The following ROR1 variants were observed in gnomAD, a reference collection of about 807,000 sequenced individuals.
ROR1 encodes inactive tyrosine-protein kinase transmembrane receptor ROR1.
A neutral mutation model predicts 78.8 loss-of-function variants in ROR1; 19 were observed. The observed-to-expected ratio is 0.24, with a 90% CI of 0.17 to 0.35. The LOEUF (loss-of-function observed/expected upper bound fraction) is 0.35. Ranked by LOEUF, ROR1 falls within the 10% of genes least tolerant of loss-of-function variation. The probability of loss-of-function intolerance (pLI) is 1.00; values close to 1 mark genes in which losing one functional copy is unlikely to be tolerated. For synonymous variants in ROR1, 386 were observed against 433.6 expected (o/e 0.89, Z 1.36); for missense variants, 917 against 1,177.8 (o/e 0.78, Z 3.24).
At chr1:63,983,239 A>G (rs1272133869) in intron 1 of ROR1, among the ~76,000 whole-genome samples, 1 of 152,048 alleles carries the variant, frequency 6.6e-6, no homozygotes, top group Non-Finnish European at 1.5e-5. Flanking sequence ...TGGAAACGGA[A>G]GTCCGGAAGA....
At chr1:64,077,895 G>T (rs61765387) in intron 4 of ROR1, among the ~76,000 whole-genome samples, 22,290 of 152,248 alleles carry the variant, frequency 0.15, 1,733 homozygotes, top group Middle Eastern at 0.2. Flanking sequence ...TCATTCATCA[G>T]CTATTAATTG....
rs2100746785 is a variant in ROR1 at position 64,178,104 on chromosome 1, T to C, written c.2063T>C (p.Phe688Ser). The C allele has an allele frequency of 2.5e-6, 4 of 1,614,148 alleles. No homozygotes were observed. The highest frequency in any genetic ancestry group is 3.4e-6 in the Non-Finnish European group (4 of 1,180,030). Residue 688 changes from phenylalanine to serine, a missense_variant, in exon 9 of 9, where the codon TTT (phenylalanine) becomes TCT (serine). Around this residue, in one of 3 missense-constraint regions of ROR1, gnomAD observed 835 missense variants for 1,069.8 expected, o/e 0.78. Coordinates refer to ENST00000371079, the MANE Select transcript of ROR1 (RefSeq NM_005012.4). The surrounding 1 kb of genome is among the most constrained non-coding windows in gnomAD (Gnocchi z 4.3). Reference protein sequence around the residue: ...FGVVLWEIFSFGLQPYYGFSN... With the variant: ...FGVVLWEIFSSGLQPYYGFSN... Reference sequence around the variant, plus strand: ...GTTGTCTTGTGGGAGATTTTCAGTTTTGGACTCCAGCCATATTATGGATTC... The same window carrying C: ...GTTGTCTTGTGGGAGATTTTCAGTTCTGGACTCCAGCCATATTATGGATTC...
chr1:64,137,488 A>G lies in ROR1; in HGVS notation c.602A>G (p.Gln201Arg), dbSNP rs1344412113. 4 of 1,612,840 alleles carry G rather than the reference A, an allele frequency of 2.5e-6. No homozygotes were observed. Among genetic ancestry groups the G allele is most frequent in the African/African-American group, 2.7e-5 (2 of 74,900 alleles). The change falls in exon 5 of 9, where the codon CAG becomes CGG. Residue 201 changes from glutamine (Q) to arginine (R), a missense_variant. Around this residue, in one of 3 missense-constraint regions of ROR1, gnomAD observed 835 missense variants for 1,069.8 expected, o/e 0.78. Transcript: ENST00000371079. ...SLHMQGEIEN[Q>R]ITAAFTMIGT... is the part of the protein sequence containing the mutation. ...CACATGCAAGGGGAAATAGAAAATC[A>G]GATCACAGGTAGGTAGCACCAATGA...
intron 7 of ROR1, among the ~76,000 whole-genome samples, chr1:64,153,536 A>G (rs1459249366): frequency 3.3e-5 from 5 of 152,236 alleles, no homozygotes; most frequent in Non-Finnish European, 5.9e-5. Flanking sequence ...GATAAAGAAA[A>G]CATGGTATAT....
At chr1:64,029,449 T>A (rs1277652159) in intron 2 of ROR1, among the ~76,000 whole-genome samples, 1 of 152,210 alleles carries the variant, frequency 6.6e-6, no homozygotes, top group Non-Finnish European at 1.5e-5. Context: ...TAATTGCCCT[T>A]CGTATTAGTC....
intron 1 of ROR1, among the ~76,000 whole-genome samples, chr1:63,916,924 G>A (rs1315163520): frequency 2.0e-5 from 3 of 152,194 alleles, no homozygotes; most frequent in East Asian, 1.9e-4. Context: ...CAGTTGCTCA[G>A]GCCTACTTTC....
chr1:64,066,703 GATCA>G (rs1646959081), intron 4 of ROR1: 1 of 152,636 alleles, frequency 6.6e-6, no homozygotes, highest in Non-Finnish European at 1.5e-5. Flanking sequence ...AATTGCTTGT[GATCA>G]ATCAGTTGTA....
intron 1 of ROR1, among the ~76,000 whole-genome samples, chr1:63,967,028 C>T (rs1450601086): frequency 6.6e-6 from 1 of 152,096 alleles, no homozygotes; most frequent in African/African-American, 2.4e-5. Context: ...TATTTGAGCC[C>T]ACCAGGTTTG....
At position 64,177,904 on chromosome 1, in the gene ROR1, T is replaced by A; in HGVS notation, c.1863T>A (p.Ile621=). The change falls in exon 9 of 9, where the codon ATT becomes ATA. Residue 621 remains isoleucine (I), a synonymous_variant. Coordinates refer to ENST00000371079, the MANE Select transcript of ROR1 (RefSeq NM_005012.4). ...FVHKDLAARN[I]LIGEQLHVKI... ...ACAAGGACCTTGCAGCTCGCAATAT[T>A]TTAATCGGAGAGCAACTTCATGTAA... The A allele has an allele frequency of 6.2e-7, 1 of 1,614,192 alleles. No individual in the cohort carries two copies. The highest frequency in any genetic ancestry group is 8.5e-7 in the Non-Finnish European group (1 of 1,180,034).
chr1:63,919,892 A>G (rs769772634), intron 1 of ROR1, among the ~76,000 whole-genome samples: 2 of 152,208 alleles, frequency 1.3e-5, no homozygotes, highest in African/African-American at 4.8e-5. Flanking sequence ...GAATCAGCAG[A>G]AAATAAGGTG....
rs1054242408 is a variant in ROR1 at position 63,834,331 on chromosome 1, A to G, written c.91+59823A>G. Among the ~76,000 whole-genome samples, 6 of 152,138 alleles carry G rather than the reference A, an allele frequency of 3.9e-5. No individual in the cohort carries two copies. The South Asian group carries it at 1.2e-3, about 32-fold the overall frequency. ...GTACCCTTAGATGAATTAAAAAGTA[A>G]TTATACTGAGTGTTTTATCTTGCCT... On this transcript the variant is annotated intron_variant, in intron 1 of 8. Coordinates refer to ENST00000371079, the MANE Select transcript of ROR1 (RefSeq NM_005012.4).
At position 63,780,170 on chromosome 1, in the gene ROR1, A is replaced by ATT. The variant is rs533212530; in HGVS notation, c.91+5674_91+5675dup. On this transcript the variant is annotated intron_variant, in intron 1 of 8. Coordinates refer to ENST00000371079, the MANE Select transcript of ROR1 (RefSeq NM_005012.4). Reference sequence around the variant, plus strand: ...CCTGCTTCTCTCCATAGAACCATAGATTTTTTTTTTTTTAAGAGAGAGAGG... The same window carrying ATT: ...CCTGCTTCTCTCCATAGAACCATAGATTTTTTTTTTTTTTTAAGAGAGAGAGG... Among the ~76,000 whole-genome samples, 165 of 145,550 alleles carry ATT rather than the reference A, an allele frequency of 1.1e-3. 6 individuals carry two copies. The South Asian group carries it at 0.035, about 31-fold the overall frequency.
chr1:64,081,178 C>G, intron 4 of ROR1, among the ~76,000 whole-genome samples: 1 of 152,146 alleles, frequency 6.6e-6, no homozygotes, highest in Non-Finnish European at 1.5e-5. Context: ...CTTCTCATCC[C>G]TTATGTTTTT....
intron 4 of ROR1, among the ~76,000 whole-genome samples, chr1:64,067,444 C>CAAAAAAAA (rs58105318): frequency 1.4e-4 from 8 of 57,492 alleles, no homozygotes; most frequent in South Asian, 1.9e-3. Flanking sequence ...GCCTCCGTCT[C>CAAAAAAAA]AAAAAAAAAA....
At chr1:64,000,318 G>A (rs979756480) in intron 1 of ROR1, among the ~76,000 whole-genome samples, 1 of 152,298 alleles carries the variant, frequency 6.6e-6, no homozygotes. Context: ...GTTTCTGAGC[G>A]AAGCATTCTG....
At chr1:63,824,392 C>T (rs964823801) in intron 1 of ROR1, among the ~76,000 whole-genome samples, 5 of 152,122 alleles carry the variant, frequency 3.3e-5, no homozygotes, top group South Asian at 2.1e-4. Flanking sequence ...TTTCATACAG[C>T]TTTCATTTGT....
At chr1:64,035,677 G>A (rs1012626182) in intron 2 of ROR1, among the ~76,000 whole-genome samples, 3 of 152,152 alleles carry the variant, frequency 2.0e-5, no homozygotes, top group African/African-American at 7.2e-5. Context: ...ATCTTCTACT[G>A]TGTGCATAGA....
intron 1 of ROR1, among the ~76,000 whole-genome samples, chr1:63,937,513 T>A (rs1002926633): frequency 6.6e-6 from 1 of 152,172 alleles, no homozygotes; most frequent in African/African-American, 2.4e-5. Flanking sequence ...TTTTTTTTTT[T>A]AATTATATGG....
At chr1:63,978,775 G>A (rs1413160030) in intron 1 of ROR1, among the ~76,000 whole-genome samples, 8 of 152,144 alleles carry the variant, frequency 5.3e-5, no homozygotes, top group African/African-American at 1.4e-4. Context: ...TATTAGTCAA[G>A]GTTCTCCAGA....
Sources: gnomAD v4.1 joint callset for allele counts (sites outside exome capture counted in the v4.1 genomes callset) on GRCh38, gnomAD v4.1.1 for gene constraint, gnomAD v4.1.1 regional missense constraint, Gnocchi (gnomAD v3.1) non-coding constraint, MANE v1.5 for transcripts, NCBI Gene and HGNC (gene_info 2026-07-23, HGNC 2026-07-21) for gene names.